Variants in CCBE1 observed in about 807,000 individuals in gnomAD.
The protein encoded by CCBE1 is collagen and calcium binding EGF domains 1, also known as collagen and calcium-binding EGF domain-containing protein 1.
CCBE1 carries 37 observed loss-of-function variants against 50.0 expected under a neutral mutation model. The ratio of observed to expected loss-of-function variants is 0.74; its 90% confidence interval spans 0.57 to 0.97. The LOEUF is 0.97. Ranked by LOEUF, CCBE1 falls within the 50% of genes least tolerant of loss-of-function variation. CCBE1 has a pLI of 0.00. For synonymous variants in CCBE1, 234 were observed against 203.7 expected, an observed-to-expected ratio of 1.15 and a Z score of -1.27; for missense variants, 538 against 523.8, an observed-to-expected ratio of 1.03 and a Z score of -0.26.
chr18:59,487,595 A>T (rs1299181426), intron 2 of CCBE1, among the ~76,000 whole-genome samples: 1 of 152,158 alleles, frequency 6.6e-6, no homozygotes, highest in East Asian at 1.9e-4. Context: ...GCAACCACTA[A>T]GATAAAACTA....
intron 6 of CCBE1, among the ~76,000 whole-genome samples, chr18:59,451,982 A>C (rs1456195666): frequency 6.6e-6 from 1 of 152,126 alleles, no homozygotes; most frequent in African/African-American, 2.4e-5. Context: ...TTAAAAAATA[A>C]TGTATTACCC....
intron 2 of CCBE1, among the ~76,000 whole-genome samples, chr18:59,668,528 T>C (rs1434192527): frequency 2.0e-5 from 3 of 152,158 alleles, no homozygotes; most frequent in Non-Finnish European, 2.9e-5. Flanking sequence ...ATCATAAGCA[T>C]ATTTTCATCT....
intron 2 of CCBE1, among the ~76,000 whole-genome samples, chr18:59,584,506 T>TA (rs926098947): frequency 2.0e-5 from 3 of 149,870 alleles, no homozygotes; most frequent in Admixed American, 6.6e-5. Context: ...ATAATAATAA[T>TA]AAAAAAAGAA....
At chr18:59,443,319 T>C (rs1270651037) in intron 7 of CCBE1, among the ~76,000 whole-genome samples, 5 of 152,208 alleles carry the variant, frequency 3.3e-5, no homozygotes, top group Non-Finnish European at 7.3e-5. Flanking sequence ...GCCACAGCTG[T>C]GTCTGTGGGG....
intron 4 of CCBE1, 80 bp downstream of exon 4, chr18:59,469,393 C>G: frequency 6.3e-7 from 1 of 1,581,160 alleles, no homozygotes; most frequent in Non-Finnish European, 8.7e-7. Context: ...AGTATGAGAA[C>G]TGAAGGGTCC....
At chr18:59,549,208 C>T (rs549348572) in intron 2 of CCBE1, among the ~76,000 whole-genome samples, 2 of 152,026 alleles carry the variant, frequency 1.3e-5, no homozygotes, top group African/African-American at 2.4e-5. Flanking sequence ...AAATATTCCA[C>T]ACTGCAAAAT....
chr18:59,545,615 A>G (rs2144396759), intron 2 of CCBE1, among the ~76,000 whole-genome samples: 1 of 152,334 alleles, frequency 6.6e-6, no homozygotes, highest in Admixed American at 6.5e-5. Context: ...AATACCAATG[A>G]TAAGGTTTGG....
In CCBE1 at chr18:59,577,395, C is replaced by T. The variant is rs12604529; in HGVS notation, c.213-97157G>A. On this transcript the variant is annotated intron_variant, in intron 2 of 10. Transcript: ENST00000439986. The stretch of plus-strand genomic sequence containing the variant: ...AAGATTAATTTAATAAAAGGAAAGC[C>T]CCCTGGAAAGACACAAGGGACTAGC... Among the ~76,000 whole-genome samples the T allele has an allele frequency of 2.0e-3, 298 of 152,224 alleles. 4 individuals are homozygous for T. In the East Asian group the frequency reaches 0.03, roughly 15 times the overall value.
chr18:59,520,137 G>A (rs1015163660), intron 2 of CCBE1, among the ~76,000 whole-genome samples: 14 of 152,092 alleles, frequency 9.2e-5, no homozygotes, highest in Middle Eastern at 3.2e-3. Flanking sequence ...TTTTGCTTAG[G>A]ATTGTCTTGG....
At chr18:59,485,903 A>ATTT (rs201348941) in intron 2 of CCBE1, among the ~76,000 whole-genome samples, 3 of 145,524 alleles carry the variant, frequency 2.1e-5, no homozygotes, top group African/African-American at 7.5e-5. Flanking sequence ...GCCCGGCCAG[A>ATTT]TTTTTTTTTT....
intron 2 of CCBE1, among the ~76,000 whole-genome samples, chr18:59,541,193 T>C (rs1915452387): frequency 1.3e-5 from 2 of 152,248 alleles, no homozygotes; most frequent in Admixed American, 1.3e-4. Flanking sequence ...TGATGTTTAC[T>C]ATTACACTTG....
chr18:59,527,792 G>C (rs906652820), intron 2 of CCBE1, among the ~76,000 whole-genome samples: 12 of 152,042 alleles, frequency 7.9e-5, no homozygotes, highest in Non-Finnish European at 8.8e-5. Context: ...CTTTTAAAAA[G>C]GTTGAATACT....
intron 2 of CCBE1, among the ~76,000 whole-genome samples, chr18:59,616,614 C>G (rs1408005910): frequency 6.6e-6 from 1 of 152,184 alleles, no homozygotes; most frequent in Non-Finnish European, 1.5e-5. Context: ...ATTCCTCAGT[C>G]CTGGCCCTAA....
intron 2 of CCBE1, among the ~76,000 whole-genome samples, chr18:59,547,138 G>GA (rs1491488730): frequency 1.3e-5 from 2 of 148,492 alleles, no homozygotes; most frequent in South Asian, 2.2e-4. Context: ...AGAGAGAGGG[G>GA]AGAGAGAGGG....
chr18:59,678,158 C>T (rs2054533285), intron 2 of CCBE1, among the ~76,000 whole-genome samples: 1 of 152,102 alleles, frequency 6.6e-6, no homozygotes, highest in African/African-American at 2.4e-5. Flanking sequence ...TTTCTCCTAC[C>T]ATAGAAGGAG....
intron 2 of CCBE1, among the ~76,000 whole-genome samples, chr18:59,626,351 G>A (rs549016713): frequency 7.9e-5 from 12 of 152,246 alleles, no homozygotes; most frequent in Admixed American, 3.9e-4. Flanking sequence ...GTCCCTTTAC[G>A]TGCATTTTTC....
intron 2 of CCBE1, among the ~76,000 whole-genome samples, chr18:59,621,369 G>T (rs968841313): frequency 6.6e-6 from 1 of 152,218 alleles, no homozygotes; most frequent in African/African-American, 2.4e-5. Flanking sequence ...CTTTCTAGGT[G>T]TCCCCACTGC....
intron 2 of CCBE1, among the ~76,000 whole-genome samples, chr18:59,658,847 T>C (rs1171852295): frequency 1.7e-5 from 2 of 117,522 alleles, no homozygotes; most frequent in Admixed American, 2.6e-4. Context: ...GCCACTGCAC[T>C]CCAGTCTGGG....
intron 2 of CCBE1, among the ~76,000 whole-genome samples, chr18:59,517,617 G>C (rs916278617): frequency 6.6e-6 from 1 of 152,096 alleles, no homozygotes; most frequent in Non-Finnish European, 1.5e-5. Flanking sequence ...TAAGCCTAAG[G>C]GTGTCTAAAT....
Sources: allele counts gnomAD v4.1 joint callset (sites outside exome capture counted in the v4.1 genomes callset), GRCh38; gene constraint gnomAD v4.1.1; transcripts MANE v1.5; gene names NCBI Gene and HGNC (gene_info 2026-07-23, HGNC 2026-07-21).